Variants in ASL observed in about 807,000 individuals in gnomAD.
ASL encodes the protein argininosuccinate lyase.
ASL carries 51 observed loss-of-function variants against 69.1 expected under a neutral mutation model. The observed-to-expected ratio is 0.74, with a 90% CI of 0.59 to 0.93. ASL has a LOEUF of 0.93. Among genes scored for constraint, ASL ranks in the 40% least tolerant of loss-of-function variants. The probability of loss-of-function intolerance (pLI) is 0.00; values close to 1 mark genes in which losing one functional copy is unlikely to be tolerated. For missense variants in ASL, 540 were observed against 623.9 expected, an observed-to-expected ratio of 0.87 and a Z score of 1.43; for synonymous variants, 241 against 247.6, an observed-to-expected ratio of 0.97 and a Z score of 0.25.
intron 8 of ASL, 152 bp downstream of exon 8, chr7:66,086,973 T>G (rs144639414): frequency 7.7e-4 from 756 of 976,042 alleles, no homozygotes; most frequent in Non-Finnish European, 1.0e-3. Flanking sequence ...CTCGCTAAGG[T>G]GACGACCAAG....
rs1030530823 is a variant in ASL at position 66,089,681 on chromosome 7, A to G, written c.1048A>G (p.Ile350Val). ...CGTGCTCCAGGTGGCCACTGGCGTC[A>G]TCTCTACGCTGCAGGCAAGACATCA... The part of the protein sequence containing the change: ...SAVLQVATGV[I>V]STLQIHQENM... The change falls in exon 14 of 17, where the codon ATC (isoleucine) becomes GTC (valine). Residue 350 changes from isoleucine (I) to valine (V), a missense_variant. Physicochemically the swap from Ile to Val is conservative, Grantham distance 29. Transcript: ENST00000304874. The G allele has an allele frequency of 1.9e-6, 3 of 1,613,442 alleles. No individual in the cohort carries two copies. Among genetic ancestry groups the G allele is most frequent in the Non-Finnish European group, 2.5e-6 (3 of 1,179,726 alleles).
Position 66,081,922 on chromosome 7 carries a change from C to T in ASL, c.132C>T (p.Ala44=). Residue 44 remains alanine, a synonymous_variant, in exon 3 of 17, where the codon GCC becomes GCT. Transcript: ENST00000304874. ...LWEVDVQGSK[A]YSRGLEKAGL... ...AGGTGGATGTTCAAGGCAGCAAAGC[C>T]TACAGCAGGGGCCTGGAGAAGGCAG... is the stretch of plus-strand genomic sequence containing the variant. The T allele has an allele frequency of 6.2e-7, 1 of 1,613,918 alleles. No homozygotes were observed. The highest frequency in any genetic ancestry group is 8.5e-7 in the Non-Finnish European group (1 of 1,179,974).
chr7:66,080,075 AC>A (rs1786456239), intron 2 of ASL, among the ~76,000 whole-genome samples: 1 of 151,646 alleles, frequency 6.6e-6, no homozygotes, highest in South Asian at 2.1e-4. Flanking sequence ...ACAAAGTGAG[AC>A]CCTGTGTCTA....
chr7:66,091,988 G>A lies in ASL; in HGVS notation c.1063-18G>A, dbSNP rs375596037. On this transcript the variant is annotated intron_variant, in intron 14 of 16. Transcript: ENST00000304874. ...CCAGGGTCCCCAGGGCTCACCACTC[G>A]CCCACCTGTGCCCCCAGATTCACCA... The A allele has an allele frequency of 4.7e-5, 76 of 1,612,862 alleles. No homozygotes were observed. The African/African-American group carries it at 6.4e-4, about 14-fold the overall frequency.
intron 6 of ASL, among the ~76,000 whole-genome samples, chr7:66,083,684 CA>C (rs929562233): frequency 7.4e-6 from 1 of 134,874 alleles, no homozygotes; most frequent in African/African-American, 2.8e-5. Flanking sequence ...ACTCCTGTCT[CA>C]AAAAAAAAGA....
At chr7:66,078,543 C>T (rs1195569163) in intron 2 of ASL, among the ~76,000 whole-genome samples, 3 of 152,014 alleles carry the variant, frequency 2.0e-5, no homozygotes, top group Non-Finnish European at 2.9e-5. Context: ...CACCAGGCAC[C>T]GTGTTATGTA....
In ASL at chr7:66,092,940, G is replaced by A; in HGVS notation, c.*28G>A. ...CCTCCCACACCTGCCCCCTAATAAAGTGGGCGCGAGAGGAGGCTGCTGTGT... is the reference window on the plus strand; with the variant it reads ...CCTCCCACACCTGCCCCCTAATAAAATGGGCGCGAGAGGAGGCTGCTGTGT... On this transcript the variant is annotated 3_prime_UTR_variant, in exon 17 of 17. Coordinates refer to ENST00000304874, the MANE Select transcript of ASL (RefSeq NM_000048.4). 6.3e-7 allele frequency: 1 copy of A among 1,590,256 alleles called. No homozygotes were observed. Among genetic ancestry groups the A allele is most frequent in the Non-Finnish European group, 8.5e-7 (1 of 1,174,868 alleles).
intron 8 of ASL, 75 bp downstream of exon 8, chr7:66,086,896 G>A (rs1211241420): frequency 2.0e-6 from 3 of 1,498,898 alleles, no homozygotes; most frequent in Non-Finnish European, 2.7e-6. Flanking sequence ...ACAGAGCTGG[G>A]AAGTGCAGAG....
intron 2 of ASL, 62 bp from the exon 3 acceptor site, chr7:66,081,739 CTT>C: frequency 6.4e-7 from 1 of 1,553,266 alleles, no homozygotes; most frequent in South Asian, 1.2e-5. Context: ...CCCAAAGACT[CTT>C]TGCAAGAAGC....
intron 15 of ASL, 101 bp downstream of exon 15, chr7:66,092,187 C>T: frequency 7.1e-7 from 1 of 1,403,556 alleles, no homozygotes; most frequent in South Asian, 1.2e-5. Flanking sequence ...CCTGGTGGCT[C>T]ACCCCTGTAA....
chr7:66,082,697 CA>C (rs1374759366), intron 4 of ASL, among the ~76,000 whole-genome samples, 182 bp from the exon 5 acceptor site: 9 of 151,586 alleles, frequency 5.9e-5, no homozygotes, highest in African/African-American at 2.2e-4. Context: ...CCCACAGCTA[CA>C]AAAATTAAAA....
intron 10 of ASL, 100 bp downstream of exon 10, chr7:66,087,891 T>A: frequency 6.8e-7 from 1 of 1,470,904 alleles, no homozygotes; most frequent in East Asian, 2.3e-5. Flanking sequence ...ACAGGCTGGT[T>A]GTGGTGATAT....
chr7:66,088,905 C>T lies in ASL; in HGVS notation c.817C>T (p.Leu273Phe), dbSNP rs1483827918. The T allele has an allele frequency of 1.2e-6, 2 of 1,613,914 alleles. No individual in the cohort carries two copies. The highest frequency in any genetic ancestry group is 1.7e-5 in the Admixed American group (1 of 59,992). The change falls in exon 11 of 17, where the codon CTC becomes TTC. Residue 273 changes from leucine (L) to phenylalanine (F), a missense_variant. Transcript: ENST00000304874. Reference protein sequence around the residue: ...YCTKEFSFVQLSDAYSTGSSL... With the variant: ...YCTKEFSFVQFSDAYSTGSSL... ...CACCAAGGAATTCAGCTTCGTGCAG[C>T]TCTCAGATGCCTACAGGTAAGCCCT...
At chr7:66,085,269 G>A (rs1324177448) in intron 6 of ASL, among the ~76,000 whole-genome samples, 1 of 152,118 alleles carries the variant, frequency 6.6e-6, no homozygotes, top group Non-Finnish European at 1.5e-5. Context: ...CTGAGGTCAA[G>A]AGTTCGAGAC....
rs1786333161 is a variant in ASL, at chr7:66,075,970, A to G, written c.-43-69A>G. On this transcript the variant is annotated intron_variant, in intron 1 of 16. Transcript: ENST00000304874. Reference sequence around the variant, plus strand: ...CGCTCCCTCAAGCGCAGTGCCCAGAACTCGGAGCCAGCCCGGCCCGGGGGA... The same window carrying G: ...CGCTCCCTCAAGCGCAGTGCCCAGAGCTCGGAGCCAGCCCGGCCCGGGGGA... The G allele has an allele frequency of 4.1e-6, 6 of 1,455,830 alleles. No homozygotes were observed. The African/African-American group carries it at 7.0e-5, about 17-fold the overall frequency. The allele number at this position is 1,455,830 out of a possible 1,614,324, so 90.2% of individuals were successfully genotyped here.
At chr7:66,082,832 C>T (rs1170475221) in intron 4 of ASL, 48 bp from the exon 5 acceptor site, 33 of 1,611,044 alleles carry the variant, frequency 2.0e-5, no homozygotes, top group Non-Finnish European at 2.8e-5. Context: ...CCTGGGTTGA[C>T]TCCTCTGGGG....
chr7:66,082,302 G>C (rs1023669261), intron 3 of ASL, 66 bp from the exon 4 acceptor site: 19 of 1,491,124 alleles, frequency 1.3e-5, no homozygotes, highest in Middle Eastern at 3.4e-4. Context: ...GTGGGACCAA[G>C]GCAGGGGCTC....
chr7:66,092,189 C>T, intron 15 of ASL, 103 bp downstream of exon 15: 2 of 1,359,358 alleles, frequency 1.5e-6, no homozygotes, highest in African/African-American at 2.9e-5. Context: ...TGGTGGCTCA[C>T]CCCTGTAATC....
At chr7:66,082,958 C>T in intron 5 of ASL, 22 bp downstream of exon 5, 2 of 1,612,972 alleles carry the variant, frequency 1.2e-6, no homozygotes, top group Non-Finnish European at 1.7e-6. Context: ...CCTCCACCCC[C>T]TGCTCCGTGT....
Sources: allele counts gnomAD v4.1 joint callset (sites outside exome capture counted in the v4.1 genomes callset), GRCh38; gene constraint gnomAD v4.1.1; transcripts MANE v1.5; gene names NCBI Gene and HGNC (gene_info 2026-07-23, HGNC 2026-07-21).